The following CBFB variants were observed in gnomAD, a reference collection of about 807,000 sequenced individuals.
The protein encoded by CBFB is CBF-beta.
Under a neutral mutation model 30.4 loss-of-function variants are expected in CBFB, and 9 were observed. That is an observed-to-expected ratio of 0.30 (90% CI 0.18 to 0.52). The LOEUF is 0.52. Among genes scored for constraint, CBFB ranks in the 20% least tolerant of loss-of-function variants. The pLI is 0.97. For missense variants in CBFB, 170 were observed against 244.0 expected (o/e 0.70, Z 2.02); for synonymous variants, 94 against 84.0 (o/e 1.12, Z -0.65).
intron 4 of CBFB, among the ~76,000 whole-genome samples, chr16:67,075,280 AAC>A (rs1457959825): frequency 1.3e-5 from 2 of 151,832 alleles, no homozygotes; most frequent in Non-Finnish European, 2.9e-5. Flanking sequence ...ATTGAAAGGA[AAC>A]ACAGACAACC....
intron 4 of CBFB, among the ~76,000 whole-genome samples, chr16:67,081,326 G>A (rs577674491): frequency 2.0e-5 from 3 of 151,896 alleles, no homozygotes; most frequent in Non-Finnish European, 4.4e-5. Context: ...TTTTATGGCT[G>A]CATAGTATAA....
chr16:67,069,708 T>C (rs1454769326), intron 4 of CBFB, among the ~76,000 whole-genome samples: 3 of 152,196 alleles, frequency 2.0e-5, no homozygotes, highest in African/African-American at 7.2e-5. Flanking sequence ...CAAGGAATCA[T>C]GAAAGCAGCA....
chr16:67,089,334 A>G (rs555982086), intron 5 of CBFB, among the ~76,000 whole-genome samples: 16 of 152,304 alleles, frequency 1.1e-4, no homozygotes, highest in Admixed American at 6.5e-5. Flanking sequence ...CTCTAGTAGA[A>G]TATCTAAGAA....
chr16:67,087,488 A>G (rs1303192257), intron 5 of CBFB, among the ~76,000 whole-genome samples: 1 of 152,078 alleles, frequency 6.6e-6, no homozygotes, highest in African/African-American at 2.4e-5. Context: ...CCAGGAGGTC[A>G]AGGCTGTAGT....
intron 3 of CBFB, among the ~76,000 whole-genome samples, chr16:67,039,001 T>C (rs2145716895): frequency 6.6e-6 from 1 of 152,354 alleles, no homozygotes; most frequent in African/African-American, 2.4e-5. Flanking sequence ...TTTTTAGTTA[T>C]ATGACCAAAA....
intron 5 of CBFB, among the ~76,000 whole-genome samples, chr16:67,087,710 GTT>G (rs1961769213): frequency 6.6e-6 from 1 of 152,170 alleles, no homozygotes; most frequent in Non-Finnish European, 1.5e-5. Flanking sequence ...CAGATAGATT[GTT>G]TCTACTTGTT....
chr16:67,044,401 T>TA (rs1341343076), intron 3 of CBFB, among the ~76,000 whole-genome samples: 4 of 152,332 alleles, frequency 2.6e-5, no homozygotes, highest in Middle Eastern at 6.8e-3. Flanking sequence ...CTATGGTTGT[T>TA]ACATTCTTGT....
At chr16:67,034,881 C>A (rs1376187177) in intron 2 of CBFB, among the ~76,000 whole-genome samples, 1 of 152,144 alleles carries the variant, frequency 6.6e-6, no homozygotes, top group Non-Finnish European at 1.5e-5. Flanking sequence ...AGTTATTTAT[C>A]ATATTATTCA....
chr16:67,090,221 G>A (rs1053504927), intron 5 of CBFB, among the ~76,000 whole-genome samples: 1 of 152,110 alleles, frequency 6.6e-6, no homozygotes, highest in African/African-American at 2.4e-5. Flanking sequence ...AGTTAGGTGG[G>A]TGTGTTCGCT....
intron 5 of CBFB, among the ~76,000 whole-genome samples, chr16:67,094,776 C>G (rs1298930857): frequency 6.6e-6 from 1 of 152,156 alleles, no homozygotes; most frequent in African/African-American, 2.4e-5. Flanking sequence ...ACATAAATTG[C>G]TTTTCTGATG....
intron 2 of CBFB, among the ~76,000 whole-genome samples, chr16:67,032,763 T>G (rs1966373312): frequency 6.6e-6 from 1 of 152,252 alleles, no homozygotes; most frequent in Non-Finnish European, 1.5e-5. Flanking sequence ...AAGGCATTAT[T>G]TTGCCTGTTT....
At chr16:67,097,442 G>T (rs764934579) in intron 5 of CBFB, among the ~76,000 whole-genome samples, 2 of 151,906 alleles carry the variant, frequency 1.3e-5, no homozygotes, top group African/African-American at 2.4e-5. Context: ...CTACTGAGGA[G>T]GTTGAGGCAA....
chr16:67,062,109 T>G (rs1960927869), intron 3 of CBFB, among the ~76,000 whole-genome samples: 1 of 152,120 alleles, frequency 6.6e-6, no homozygotes, highest in African/African-American at 2.4e-5. Flanking sequence ...TTCTTTGTCA[T>G]GAAAGAACAT....
At chr16:67,090,155 T>G (rs1467883515) in intron 5 of CBFB, among the ~76,000 whole-genome samples, 1 of 152,176 alleles carries the variant, frequency 6.6e-6, no homozygotes, top group Non-Finnish European at 1.5e-5. Context: ...TGACTAGAAG[T>G]GGGTATGAAG....
chr16:67,085,174 C>G (rs1478731558), intron 5 of CBFB, among the ~76,000 whole-genome samples: 2 of 150,688 alleles, frequency 1.3e-5, no homozygotes, highest in Non-Finnish European at 3.0e-5. Context: ...CTGTGTGTGT[C>G]TCTGTGTGTG....
chr16:67,033,011 A>G (rs1456103444), intron 2 of CBFB, among the ~76,000 whole-genome samples: 1 of 152,190 alleles, frequency 6.6e-6, no homozygotes, highest in Non-Finnish European at 1.5e-5. Flanking sequence ...AGTAGCTGGA[A>G]TTACAGGCGT....
chr16:67,080,852 G>A (rs1466678433), intron 4 of CBFB, among the ~76,000 whole-genome samples: 2 of 152,136 alleles, frequency 1.3e-5, no homozygotes, highest in African/African-American at 4.8e-5. Flanking sequence ...TGATGAGTAG[G>A]ATTAAGTAGG....
chr16:67,096,689 T>C (rs1484566961), intron 5 of CBFB, among the ~76,000 whole-genome samples: 1 of 151,892 alleles, frequency 6.6e-6, no homozygotes, highest in African/African-American at 2.4e-5. Flanking sequence ...TAACAATACA[T>C]CTGGGCCGGG....
chr16:67,059,749 C>T (rs750955976), intron 3 of CBFB, among the ~76,000 whole-genome samples: 2 of 152,102 alleles, frequency 1.3e-5, no homozygotes, highest in Non-Finnish European at 2.9e-5. Context: ...TCCTGGGTCC[C>T]TTCTTTTCCC....
Sources: allele counts gnomAD v4.1 joint callset (sites outside exome capture counted in the v4.1 genomes callset), GRCh38; gene constraint gnomAD v4.1.1; transcripts MANE v1.5; gene names NCBI Gene and HGNC (gene_info 2026-07-23, HGNC 2026-07-21).